NRXN1: variants seen among roughly 807,000 people sequenced by gnomAD.
NRXN1 encodes the protein neurexin-1.
A neutral mutation model predicts 150.9 loss-of-function variants in NRXN1; 39 were observed. That is an observed-to-expected ratio of 0.26 (90% CI 0.20 to 0.34). The LOEUF is 0.34. Ranked by LOEUF, NRXN1 falls within the 10% of genes least tolerant of loss-of-function variation. The pLI, the probability that NRXN1 is intolerant of heterozygous loss-of-function variation, is 1.00. For synonymous variants in NRXN1, 924 were observed against 757.0 expected (o/e 1.22, Z -3.62); for missense variants, 1,815 against 1,949.9 (o/e 0.93, Z 1.30).
At chr2:50,185,868 T>C (rs1358295322) in intron 18 of NRXN1, among the ~76,000 whole-genome samples, 1 of 152,104 alleles carries the variant, frequency 6.6e-6, no homozygotes, top group Non-Finnish European at 1.5e-5. Flanking sequence ...TCTTTTAAAC[T>C]TCAAATTACC....
In NRXN1 at chr2:50,173,051, A is replaced by G. The variant is rs557257581; in HGVS notation, c.3546+63738T>C. On this transcript the variant is annotated intron_variant, in intron 18 of 22. Transcript: ENST00000401669. ...ATAAATAAACATATACGCGCAATCTATATTTCTCCATTACACTGCAATCAT... is the reference window on the plus strand; with the variant it reads ...ATAAATAAACATATACGCGCAATCTGTATTTCTCCATTACACTGCAATCAT... 2.0e-4 allele frequency among the ~76,000 whole-genome samples: 31 copies of G among 152,322 alleles called. 1 individual carries two copies. Among genetic ancestry groups the G allele is most frequent in the Admixed American group, 1.8e-3 (28 of 15,286 alleles).
In NRXN1 at chr2:50,555,816, G is replaced by A. The variant is rs760087197; in HGVS notation, c.1321-2791C>T. Among the ~76,000 whole-genome samples the A allele has an allele frequency of 1.7e-4, 26 of 152,120 alleles. 1 individual carries two copies. The highest frequency in any genetic ancestry group is 1.6e-3 in the Admixed American group (25 of 15,274). ...TCTAGAAAAAAGCATAAACTTATGT[G>A]CATATCCAGTTCATAATTGACAAGT... On this transcript the variant is annotated intron_variant, in intron 8 of 22. Transcript: ENST00000401669.
chr2:50,198,593 G>A (rs1309877099), intron 18 of NRXN1, among the ~76,000 whole-genome samples: 5 of 152,034 alleles, frequency 3.3e-5, no homozygotes, highest in African/African-American at 7.2e-5. Flanking sequence ...AATACAAATT[G>A]TTTTTTAAGT....
At chr2:50,373,776 G>A (rs903566352) in intron 17 of NRXN1, among the ~76,000 whole-genome samples, 4 of 152,120 alleles carry the variant, frequency 2.6e-5, no homozygotes, top group African/African-American at 9.6e-5. Context: ...TGGGGAGTAG[G>A]GGTTACTGAG....
At chr2:50,842,017 C>T (rs1237739517) in intron 5 of NRXN1, among the ~76,000 whole-genome samples, 1 of 152,134 alleles carries the variant, frequency 6.6e-6, no homozygotes, top group African/African-American at 2.4e-5. Flanking sequence ...TACATAATAT[C>T]AAATAACTAG....
At chr2:50,985,479 T>C (rs1697547479) in intron 2 of NRXN1, 1 of 151,706 alleles carries the variant, frequency 6.6e-6, no homozygotes, top group African/African-American at 2.4e-5. Context: ...ATCTAGAATG[T>C]TTTACTCAAG....
intron 2 of NRXN1, among the ~76,000 whole-genome samples, chr2:51,002,002 A>T (rs887423907): frequency 7.2e-5 from 11 of 152,008 alleles, no homozygotes; most frequent in Admixed American, 5.3e-4. Flanking sequence ...ACACCCTGAT[A>T]AGTTTCCCTA....
intron 17 of NRXN1, among the ~76,000 whole-genome samples, chr2:50,250,367 G>C (rs969341522): frequency 8.5e-5 from 13 of 152,082 alleles, no homozygotes; most frequent in African/African-American, 3.1e-4. Flanking sequence ...AAGGCAAAAA[G>C]GCACAAAATT....
intron 5 of NRXN1, among the ~76,000 whole-genome samples, chr2:50,777,883 CTT>C (rs1703857493): frequency 1.3e-5 from 2 of 152,132 alleles, no homozygotes; most frequent in Admixed American, 6.6e-5. Context: ...TCACTGACCT[CTT>C]TGGATAAAAG....
chr2:50,379,133 A>G (rs2080751307), intron 17 of NRXN1, among the ~76,000 whole-genome samples: 1 of 152,144 alleles, frequency 6.6e-6, no homozygotes, highest in Admixed American at 6.6e-5. Flanking sequence ...AAAAGACTGG[A>G]AAAGAAAGAG....
intron 18 of NRXN1, among the ~76,000 whole-genome samples, chr2:50,101,931 G>A (rs979858140): frequency 2.6e-5 from 4 of 151,964 alleles, no homozygotes; most frequent in South Asian, 2.1e-4. Flanking sequence ...AGCTGACAGT[G>A]CTAACTTTTT....
intron 17 of NRXN1, among the ~76,000 whole-genome samples, chr2:50,238,548 T>C (rs1010915111): frequency 6.6e-6 from 1 of 152,042 alleles, no homozygotes; most frequent in Non-Finnish European, 1.5e-5. Flanking sequence ...AAGAGTAACA[T>C]TTATGTGTAA....
At chr2:50,287,899 G>A (rs1323341222) in intron 17 of NRXN1, among the ~76,000 whole-genome samples, 2 of 151,888 alleles carry the variant, frequency 1.3e-5, no homozygotes, top group African/African-American at 4.8e-5. Context: ...ATTATTTCCT[G>A]ATACATGAAT....
At chr2:50,680,825 C>A (rs1299602172) in intron 5 of NRXN1, among the ~76,000 whole-genome samples, 1 of 151,828 alleles carries the variant, frequency 6.6e-6, no homozygotes, top group Non-Finnish European at 1.5e-5. Flanking sequence ...CAAGGTTATG[C>A]TATTCAATTC....
intron 2 of NRXN1, among the ~76,000 whole-genome samples, chr2:50,994,339 A>G (rs1426416469): frequency 1.3e-5 from 2 of 152,058 alleles, no homozygotes; most frequent in African/African-American, 4.8e-5. Flanking sequence ...TTCAAGGAAT[A>G]CACTTATTAA....
intron 2 of NRXN1, among the ~76,000 whole-genome samples, chr2:50,949,360 T>A (rs1221556146): frequency 1.3e-5 from 2 of 152,076 alleles, no homozygotes; most frequent in Non-Finnish European, 2.9e-5. Flanking sequence ...TCAATTCTGA[T>A]GTTTCCAAGA....
chr2:50,206,595 C>T (rs1423183779), intron 18 of NRXN1, among the ~76,000 whole-genome samples: 1 of 151,882 alleles, frequency 6.6e-6, no homozygotes, highest in Non-Finnish European at 1.5e-5. Context: ...CACCTCGGGA[C>T]AGCACATTAA....
At chr2:50,829,231 GA>G (rs1040810433) in intron 5 of NRXN1, among the ~76,000 whole-genome samples, 7 of 151,950 alleles carry the variant, frequency 4.6e-5, no homozygotes, top group Admixed American at 4.6e-4. Context: ...AAGAGAGGGA[GA>G]GGGAGACCGT....
At chr2:50,448,911 A>G (rs924610112) in intron 17 of NRXN1, among the ~76,000 whole-genome samples, 3 of 152,338 alleles carry the variant, frequency 2.0e-5, no homozygotes, top group African/African-American at 7.2e-5. Flanking sequence ...GAACTATGTT[A>G]AACCAAAGAG....
Sources: gnomAD v4.1 joint callset for allele counts (sites outside exome capture counted in the v4.1 genomes callset) on GRCh38, gnomAD v4.1.1 for gene constraint, MANE v1.5 for transcripts, NCBI Gene and HGNC (gene_info 2026-07-23, HGNC 2026-07-21) for gene names.